SNX29: variants seen among roughly 807,000 people sequenced by gnomAD.
SNX29 encodes sorting nexin 29.
Under a neutral mutation model 102.1 loss-of-function variants are expected in SNX29, and 78 were observed. The observed-to-expected ratio is 0.76, with a 90% confidence interval of 0.64 to 0.92. The LOEUF (loss-of-function observed/expected upper bound fraction) is 0.92, where lower values mean the gene tolerates loss of function less well. SNX29 is among the 40% of genes least tolerant of loss of function. The probability of loss-of-function intolerance (pLI) is 0.00; values close to 1 mark genes in which losing one functional copy is unlikely to be tolerated. For synonymous variants in SNX29, 580 were observed against 414.5 expected (o/e 1.40, Z -4.85); for missense variants, 1,280 against 1,061.7 (o/e 1.21, Z -2.86).
At chr16:12,554,559 A>C (rs562353938) in intron 20 of SNX29, among the ~76,000 whole-genome samples, 4 of 152,274 alleles carry the variant, frequency 2.6e-5, no homozygotes, top group African/African-American at 9.6e-5. Context: ...CTTGTTCAAC[A>C]ATTTCTTAAA....
At chr16:12,273,214 C>T (rs2079143621) in intron 14 of SNX29, among the ~76,000 whole-genome samples, 1 of 152,046 alleles carries the variant, frequency 6.6e-6, no homozygotes, top group African/African-American at 2.4e-5. Flanking sequence ...TAGCCAGAAG[C>T]CTGCTGCTGG....
At chr16:12,207,817 C>A (rs2142016969) in intron 14 of SNX29, among the ~76,000 whole-genome samples, 1 of 152,240 alleles carries the variant, frequency 6.6e-6, no homozygotes, top group Non-Finnish European at 1.5e-5. Flanking sequence ...CTGGCATTTG[C>A]TTTTTGCTAT....
intron 19 of SNX29, among the ~76,000 whole-genome samples, chr16:12,510,407 C>T (rs1043956469): frequency 1.3e-5 from 2 of 152,168 alleles, no homozygotes; most frequent in Non-Finnish European, 2.9e-5. Flanking sequence ...GGTGTGGTGG[C>T]TTAGGCCTAT....
chr16:12,572,444 T>G lies in SNX29; in HGVS notation c.*3815T>G, dbSNP rs942286548. On this transcript the variant is annotated 3_prime_UTR_variant, in exon 21 of 21. Transcript: ENST00000566228. The stretch of plus-strand genomic sequence containing the variant: ...GCCGGCAGTGGCTGCCTCTCTTGGT[T>G]CTGCATGGTACATTTTGCCAACCCT... 2 of 1,063,122 alleles carry G rather than the reference T, an allele frequency of 1.9e-6. No homozygotes were observed. Among genetic ancestry groups the G allele is most frequent in the African/African-American group, 1.6e-5 (1 of 60,926 alleles). 65.9% of individuals were successfully genotyped at this position (1,063,122 alleles called of 1,614,324 possible).
intron 20 of SNX29, 106 bp from the exon 21 acceptor site, chr16:12,568,400 T>C: frequency 6.9e-7 from 1 of 1,455,532 alleles, no homozygotes; most frequent in East Asian, 2.3e-5. Context: ...CCAGTCACAG[T>C]TGCCAATCAG....
chr16:12,322,625 C>G (rs2080975732), intron 15 of SNX29, among the ~76,000 whole-genome samples: 2 of 152,242 alleles, frequency 1.3e-5, no homozygotes, highest in Middle Eastern at 3.4e-3. Context: ...GGGATCATCT[C>G]AAGCATCCTG....
intron 13 of SNX29, among the ~76,000 whole-genome samples, chr16:12,191,313 C>A (rs1395059995): frequency 6.6e-6 from 1 of 152,132 alleles, no homozygotes; most frequent in East Asian, 1.9e-4. Context: ...GATGGATGAC[C>A]CCTGGTGTAG....
intron 19 of SNX29, among the ~76,000 whole-genome samples, chr16:12,508,948 CTG>C (rs1288695487): frequency 6.6e-6 from 1 of 152,202 alleles, no homozygotes; most frequent in African/African-American, 2.4e-5. Flanking sequence ...TGAGCCTCAT[CTG>C]TGAAATGTCG....
At chr16:12,310,092 GCA>G (rs1247796139) in intron 15 of SNX29, among the ~76,000 whole-genome samples, 5 of 142,576 alleles carry the variant, frequency 3.5e-5, no homozygotes, top group South Asian at 2.2e-4. Context: ...GTGCACACAT[GCA>G]CACACATGCA....
intron 14 of SNX29, among the ~76,000 whole-genome samples, chr16:12,257,302 G>A (rs1032712241): frequency 6.6e-6 from 1 of 152,134 alleles, no homozygotes; most frequent in Non-Finnish European, 1.5e-5. Context: ...CCTCTCTTCT[G>A]CTTTCGACTG....
chr16:12,129,027 GT>G (rs2054340994), intron 12 of SNX29, among the ~76,000 whole-genome samples: 1 of 152,206 alleles, frequency 6.6e-6, no homozygotes, highest in African/African-American at 2.4e-5. Context: ...ACTTGGGAAT[GT>G]AAAATGCTAT....
At chr16:12,568,145 G>T (rs1022585324) in intron 20 of SNX29, among the ~76,000 whole-genome samples, 2 of 152,104 alleles carry the variant, frequency 1.3e-5, no homozygotes, top group African/African-American at 4.8e-5. Flanking sequence ...AGTTGCCTTG[G>T]ACTTAGAAGC....
intron 13 of SNX29, among the ~76,000 whole-genome samples, chr16:12,152,587 A>C (rs2055346472): frequency 1.3e-5 from 2 of 152,192 alleles, no homozygotes; most frequent in South Asian, 4.1e-4. Flanking sequence ...CCATCTTCAA[A>C]CCAGTGAGAG....
At chr16:12,560,135 T>TCCCCCCC (rs57116555) in intron 20 of SNX29, among the ~76,000 whole-genome samples, 133 of 135,156 alleles carry the variant, frequency 9.8e-4, no homozygotes, top group African/African-American at 1.3e-3. Context: ...TGTGTTCCCC[T>TCCCCCCC]CCCCCCCCCA....
intron 20 of SNX29, among the ~76,000 whole-genome samples, chr16:12,529,090 C>T (rs565324724): frequency 2.0e-5 from 3 of 152,320 alleles, no homozygotes; most frequent in Non-Finnish European, 2.9e-5. Flanking sequence ...GTTGAAGAAT[C>T]GGGAGGTTGA....
chr16:11,978,873 C>T (rs1267091784), intron 1 of SNX29, among the ~76,000 whole-genome samples: 2 of 151,432 alleles, frequency 1.3e-5, no homozygotes, highest in African/African-American at 2.4e-5. Context: ...TGCAGTGAGC[C>T]AAGATCAAGC....
rs541276056 is a variant in SNX29, at chr16:12,567,581, A to G, written c.2319-925A>G. Among the ~76,000 whole-genome samples the G allele has an allele frequency of 6.3e-4, 96 of 152,174 alleles. 1 individual carries two copies. Among genetic ancestry groups the G allele is most frequent in the African/African-American group, 2.2e-3 (91 of 41,508 alleles). On this transcript the variant is annotated intron_variant, in intron 20 of 20. Coordinates refer to ENST00000566228, the MANE Select transcript of SNX29 (RefSeq NM_032167.5). Reference sequence around the variant, plus strand: ...AGAGGATCACTTGAGACCAGCCTGGACAAGAGCAAGACCCCATCTCTACAA... The same window carrying G: ...AGAGGATCACTTGAGACCAGCCTGGGCAAGAGCAAGACCCCATCTCTACAA...
intron 18 of SNX29, among the ~76,000 whole-genome samples, chr16:12,428,809 CCTT>C (rs1183512983): frequency 6.6e-6 from 1 of 152,066 alleles, no homozygotes; most frequent in East Asian, 1.9e-4. Flanking sequence ...ATTATTATCT[CCTT>C]CTAGTTAATT....
chr16:12,182,848 C>A (rs1490493000), intron 13 of SNX29, among the ~76,000 whole-genome samples: 3 of 151,214 alleles, frequency 2.0e-5, no homozygotes, highest in Non-Finnish European at 2.9e-5. Flanking sequence ...GCAGGAGACT[C>A]CCTTGAACCT....
Sources: allele counts gnomAD v4.1 joint callset (sites outside exome capture counted in the v4.1 genomes callset), GRCh38; gene constraint gnomAD v4.1.1; transcripts MANE v1.5; gene names NCBI Gene and HGNC (gene_info 2026-07-23, HGNC 2026-07-21).